TUBA1A: variants seen among roughly 807,000 people sequenced by gnomAD.
The protein encoded by TUBA1A is tubulin alpha 1a.
Under a neutral mutation model 34.6 loss-of-function variants are expected in TUBA1A, and 7 were observed. The ratio of observed to expected loss-of-function variants is 0.20; its 90% CI spans 0.11 to 0.38. The LOEUF is 0.38. Ranked by LOEUF, TUBA1A falls within the 10% of genes least tolerant of loss-of-function variation. The pLI is 1.00. For missense variants in TUBA1A, 19 were observed against 581.3 expected, an observed-to-expected ratio of 0.03 and a Z score of 9.95; for synonymous variants, 193 against 210.2, an observed-to-expected ratio of 0.92 and a Z score of 0.71.
chr12:49,188,862 A>G lies in TUBA1A; in HGVS notation c.3+115T>C. 6.2e-7 allele frequency: 1 copy of G among 1,611,022 alleles called. No individual in the cohort carries two copies. Among genetic ancestry groups the G allele is most frequent in the South Asian group, 1.1e-5 (1 of 91,074 alleles). On this transcript the variant is annotated intron_variant, in intron 1 of 3. Coordinates refer to ENST00000301071, the MANE Select transcript of TUBA1A (RefSeq NM_006009.4). This position sits in a 1 kb window ranked among gnomAD's most constrained non-coding sequence, Gnocchi z 4.9. The stretch of plus-strand genomic sequence containing the variant: ...GGCTAAGCTAAACCTCACAAAACAT[A>G]CCACCACCCTCGCCCAGAGAGCTTA...
At chr12:49,187,737 C>G (rs1314377512) in intron 1 of TUBA1A, 1 of 982,014 alleles carries the variant, frequency 1.0e-6, no homozygotes, top group Non-Finnish European at 1.2e-6. Flanking sequence ...AGAATAAAAG[C>G]CCAGTGGAAG....
intron 1 of TUBA1A, chr12:49,187,366 T>G: frequency 1.9e-6 from 2 of 1,026,120 alleles, no homozygotes; most frequent in Non-Finnish European, 2.3e-6. Flanking sequence ...TGCATTGCTG[T>G]ATTTGCTGTG....
At position 49,185,988 on chromosome 12, in the gene TUBA1A, G is replaced by C. The variant is rs1135224; in HGVS notation, c.378C>G (p.Ala126=). 6.2e-7 allele frequency: 1 copy of C among 1,613,980 alleles called. No individual in the cohort carries two copies. Among genetic ancestry groups the C allele is most frequent in the Non-Finnish European group, 8.5e-7 (1 of 1,180,000 alleles). Residue 126 remains alanine, a splice_region_variant and synonymous_variant, in exon 4 of 4, where the codon GCC becomes GCG. Coordinates refer to ENST00000301071, the MANE Select transcript of TUBA1A (RefSeq NM_006009.4). The stretch of plus-strand genomic sequence containing the variant: ...AGCCCTGGAGACCCGTGCACTGGTC[G>C]GCCTATAACAAAAGAGAGGAACAGA... ...DLVLDRIRKL[A]DQCTGLQGFL... is the part of the protein sequence containing the mutation.
In TUBA1A at chr12:49,188,050, C is replaced by T. The variant is rs568687206; in HGVS notation, c.3+927G>A. 2 of 936,776 alleles carry T rather than the reference C, an allele frequency of 2.1e-6. No individual in the cohort carries two copies. The highest frequency in any genetic ancestry group is 6.6e-5 in the Admixed American group (1 of 15,062). The allele number at this position is 936,776 out of a possible 1,614,324, so 58.0% of individuals were successfully genotyped here. On this transcript the variant is annotated intron_variant, in intron 1 of 3. Coordinates refer to ENST00000301071, the MANE Select transcript of TUBA1A (RefSeq NM_006009.4). The surrounding 1 kb of genome is among the most constrained non-coding windows in gnomAD (Gnocchi z 4.9). Reference sequence around the variant, plus strand: ...CACACACACACACACACACACACTTCAGTCGGTCAGGGCAGGGCGTCCCAC... The same window carrying T: ...CACACACACACACACACACACACTTTAGTCGGTCAGGGCAGGGCGTCCCAC...
In TUBA1A at chr12:49,188,215, T is replaced by A; in HGVS notation, c.3+762A>T. 2.0e-6 allele frequency: 2 copies of A among 984,980 alleles called. No homozygotes were observed. The highest frequency in any genetic ancestry group is 9.4e-5 in the South Asian group (2 of 21,268). 61.0% of individuals were successfully genotyped at this position (984,980 alleles called of 1,614,324 possible). On this transcript the variant is annotated intron_variant, in intron 1 of 3. Transcript: ENST00000301071. The surrounding 1 kb of genome is among the most constrained non-coding windows in gnomAD (Gnocchi z 4.9). ...AAAAAAAAAGTCATCTAACTTATAA[T>A]AGTGAAGAAAACCCTTTTGGAGCCT...
rs1190210363 is a variant in TUBA1A, at chr12:49,188,569, C to T, written c.3+408G>A. On this transcript the variant is annotated intron_variant, in intron 1 of 3. Coordinates refer to ENST00000301071, the MANE Select transcript of TUBA1A (RefSeq NM_006009.4). The surrounding 1 kb of genome is among the most constrained non-coding windows in gnomAD (Gnocchi z 4.9). The stretch of plus-strand genomic sequence containing the variant: ...CCCCGCTCTTTTTGGGTGCCTCCTC[C>T]TCTCCCGGTCCCCAGAGAACAACGC... The T allele has an allele frequency of 1.6e-5, 24 of 1,476,920 alleles. No homozygotes were observed. Among genetic ancestry groups the T allele is most frequent in the Admixed American group, 4.5e-5 (2 of 44,008 alleles). The allele number at this position is 1,476,920 out of a possible 1,614,324, so 91.5% of individuals were successfully genotyped here.
Position 49,188,474 on chromosome 12 carries a change from C to T in TUBA1A, c.3+503G>A. 1 of 1,535,352 alleles carries T rather than the reference C, an allele frequency of 6.5e-7. No individual in the cohort carries two copies. Among genetic ancestry groups the T allele is most frequent in the Non-Finnish European group, 8.7e-7 (1 of 1,146,364 alleles). On this transcript the variant is annotated intron_variant, in intron 1 of 3. Transcript: ENST00000301071. This position sits in a 1 kb window ranked among gnomAD's most constrained non-coding sequence, Gnocchi z 4.9. Reference sequence around the variant, plus strand: ...CAAAACGCCAAAGACCGCGGAGGGTCTTCCCACGCTAACCCTAGGCTGCGC... The same window carrying T: ...CAAAACGCCAAAGACCGCGGAGGGTTTTCCCACGCTAACCCTAGGCTGCGC...
chr12:49,185,916 G>A lies in TUBA1A; in HGVS notation c.450C>T (p.Thr150=). ...CTGAGAGACGTTCCATGAGCAGCGA[G>A]GTGAACCCAGAACCAGTTCCCCCAC... The part of the protein sequence containing the change: ...SFGGGTGSGF[T]SLLMERLSVD... Residue 150 remains threonine (T), a synonymous_variant, in exon 4 of 4, where the codon ACC becomes ACT. Transcript: ENST00000301071. The A allele has an allele frequency of 6.2e-7, 1 of 1,614,074 alleles. No homozygotes were observed. The highest frequency in any genetic ancestry group is 8.5e-7 in the Non-Finnish European group (1 of 1,180,020).
Position 49,188,690 on chromosome 12 carries a change from C to A in TUBA1A, c.3+287G>T. ...AGACCCCTCGGTCGCGGCAGACGGG[C>A]TGCCCGCGGCCCCCGAAAGTCTCTC... On this transcript the variant is annotated intron_variant, in intron 1 of 3. Coordinates refer to ENST00000301071, the MANE Select transcript of TUBA1A (RefSeq NM_006009.4). This position sits in a 1 kb window ranked among gnomAD's most constrained non-coding sequence, Gnocchi z 4.9. 1.4e-6 allele frequency: 2 copies of A among 1,438,332 alleles called. No homozygotes were observed. The highest frequency in any genetic ancestry group is 3.0e-5 in the South Asian group (2 of 66,522). 89.1% of individuals were successfully genotyped at this position (1,438,332 alleles called of 1,614,324 possible). A position where few individuals can be genotyped will look rare whatever the true frequency, so the allele number is the denominator to read the frequency against.
chr12:49,187,306 C>T, intron 1 of TUBA1A: 1 of 1,065,374 alleles, frequency 9.4e-7, no homozygotes. Flanking sequence ...AGTCTGTCTG[C>T]AGAATCCATC....
rs1942212227 is a variant in TUBA1A at position 49,188,536 on chromosome 12, C to T, written c.3+441G>A. ...TCCCCCTCCCACGTCCCCCAGCTCG[C>T]CCAACGCCCCCGCTCTTTTTGGGTG... is the stretch of plus-strand genomic sequence containing the variant. On this transcript the variant is annotated intron_variant, in intron 1 of 3. Coordinates refer to ENST00000301071, the MANE Select transcript of TUBA1A (RefSeq NM_006009.4). This position sits in a 1 kb window ranked among gnomAD's most constrained non-coding sequence, Gnocchi z 4.9. The T allele has an allele frequency of 1.3e-6, 2 of 1,505,234 alleles. No homozygotes were observed. Among genetic ancestry groups the T allele is most frequent in the African/African-American group, 1.4e-5 (1 of 72,326 alleles). The allele number at this position is 1,505,234 out of a possible 1,614,324, so 93.2% of individuals were successfully genotyped here.
chr12:49,187,444 A>G, intron 1 of TUBA1A: 1 of 988,314 alleles, frequency 1.0e-6, no homozygotes, highest in Non-Finnish European at 1.2e-6. Flanking sequence ...GCAGCTGCCT[A>G]CATGATCTCA....
In TUBA1A at chr12:49,188,630, G is replaced by T. The variant is rs1942213519; in HGVS notation, c.3+347C>A. 1 of 1,438,282 alleles carries T rather than the reference G, an allele frequency of 7.0e-7. No homozygotes were observed. The highest frequency in any genetic ancestry group is 2.8e-5 in the Admixed American group (1 of 35,994). 89.1% of individuals were successfully genotyped at this position (1,438,282 alleles called of 1,614,324 possible). ...GTGGCCCCTCAGCATCAGCGAAACCGTGCGCACAGACACGGGGCCCAGCCG... is the reference window on the plus strand; with the variant it reads ...GTGGCCCCTCAGCATCAGCGAAACCTTGCGCACAGACACGGGGCCCAGCCG... On this transcript the variant is annotated intron_variant, in intron 1 of 3. Transcript: ENST00000301071. The surrounding 1 kb of genome is among the most constrained non-coding windows in gnomAD (Gnocchi z 4.9).
rs1942188604 is a variant in TUBA1A at position 49,186,890 on chromosome 12, T to G, written c.4-57A>C. ...ATTAAGGTGTATTAGCATTTCAAAC[T>G]TATAGGAAATTTCAAAAATATTTCT... On this transcript the variant is annotated intron_variant, in intron 1 of 3. Coordinates refer to ENST00000301071, the MANE Select transcript of TUBA1A (RefSeq NM_006009.4). This position sits in a 1 kb window ranked among gnomAD's most constrained non-coding sequence, Gnocchi z 6.6. The G allele has an allele frequency of 6.2e-7, 1 of 1,606,480 alleles. No individual in the cohort carries two copies. The highest frequency in any genetic ancestry group is 1.3e-5 in the African/African-American group (1 of 74,694).
chr12:49,188,812 G>A lies in TUBA1A; in HGVS notation c.3+165C>T. 1 of 1,597,502 alleles carries A rather than the reference G, an allele frequency of 6.3e-7. No individual in the cohort carries two copies. The highest frequency in any genetic ancestry group is 1.7e-5 in the Admixed American group (1 of 59,322). ...GCCCGGTTCCTGCACCCGCACTGCG[G>A]CGGCGGCGGGGCTTGAGGATTTGGG... On this transcript the variant is annotated intron_variant, in intron 1 of 3. Transcript: ENST00000301071. The surrounding 1 kb of genome is among the most constrained non-coding windows in gnomAD (Gnocchi z 4.9).
rs1046197606 is a variant in TUBA1A at position 49,188,008 on chromosome 12, CCAGA to C, written c.3+965_3+968del. 125 of 970,098 alleles carry C rather than the reference CCAGA, an allele frequency of 1.3e-4. 1 individual carries two copies. The highest frequency in any genetic ancestry group is 1.9e-4 in the African/African-American group (9 of 47,790). The allele number at this position is 970,098 out of a possible 1,614,324, so 60.1% of individuals were successfully genotyped here. On this transcript the variant is annotated intron_variant, in intron 1 of 3. Transcript: ENST00000301071. The surrounding 1 kb of genome is among the most constrained non-coding windows in gnomAD (Gnocchi z 4.9). ...CTTTCTCCCTCGCTGAACGTGCAGT[CCAGA>C]CAGACAGACAGACACACACACACAC...
In TUBA1A at chr12:49,189,063, C is replaced by A. The variant is rs1942221624; in HGVS notation, c.-84G>T. 2 of 1,583,636 alleles carry A rather than the reference C, an allele frequency of 1.3e-6. No homozygotes were observed. Among genetic ancestry groups the A allele is most frequent in the South Asian group, 1.1e-5 (1 of 90,440 alleles). ...TCTTACAGCGCGACTCTTAGGCGGT[C>A]GATGTAAGAGAACCTGCGGCACATA... On this transcript the variant is annotated 5_prime_UTR_variant, in exon 1 of 4. Transcript: ENST00000301071.
Position 49,187,511 on chromosome 12 carries a change from TTGAAA to T in TUBA1A, c.4-683_4-679del, listed in dbSNP as rs977683101. On this transcript the variant is annotated intron_variant, in intron 1 of 3. Coordinates refer to ENST00000301071, the MANE Select transcript of TUBA1A (RefSeq NM_006009.4). ...CCCCGCCCGGGACCATGTGCCTGAA[TTGAAA>T]TGAATTAATTAAGATGCACTGGAAC... The T allele has an allele frequency of 2.2e-5, 22 of 985,676 alleles. No individual in the cohort carries two copies. The African/African-American group carries it at 3.3e-4, about 15-fold the overall frequency. 61.1% of individuals were successfully genotyped at this position (985,676 alleles called of 1,614,324 possible).
Position 49,188,461 on chromosome 12 carries a change from GACCGCGGAGGGTCTTCCCACGCTA to G in TUBA1A, c.3+492_3+515del. The G allele has an allele frequency of 1.3e-6, 2 of 1,535,686 alleles. No individual in the cohort carries two copies. Among genetic ancestry groups the G allele is most frequent in the South Asian group, 2.4e-5 (2 of 84,034 alleles). On this transcript the variant is annotated intron_variant, in intron 1 of 3. Coordinates refer to ENST00000301071, the MANE Select transcript of TUBA1A (RefSeq NM_006009.4). This position sits in a 1 kb window ranked among gnomAD's most constrained non-coding sequence, Gnocchi z 4.9. ...GTGGGTATCTTTCCAAAACGCCAAA[GACCGCGGAGGGTCTTCCCACGCTA>G]ACCCTAGGCTGCGCTTTGTTCCCGT...
Sources: gnomAD v4.1 joint callset for allele counts on GRCh38, gnomAD v4.1.1 for gene constraint, Gnocchi (gnomAD v3.1) non-coding constraint, MANE v1.5 for transcripts, NCBI Gene and HGNC (gene_info 2026-07-23, HGNC 2026-07-21) for gene names.